Variants in NEGR1 observed in about 807,000 individuals in gnomAD.
NEGR1 encodes neuronal growth regulator 1.
NEGR1 carries 10 observed loss-of-function variants against 40.9 expected under a neutral mutation model. The observed-to-expected ratio is 0.24, with a 90% CI of 0.15 to 0.42. The LOEUF (loss-of-function observed/expected upper bound fraction) is 0.42, where lower values mean the gene tolerates loss of function less well. Ranked by LOEUF, NEGR1 falls within the 10% of genes least tolerant of loss-of-function variation. NEGR1 has a pLI of 1.00. For missense variants in NEGR1, 352 were observed against 438.9 expected (o/e 0.80, Z 1.77); for synonymous variants, 185 against 166.8 (o/e 1.11, Z -0.84).
At chr1:71,853,505 C>G (rs999499473) in intron 2 of NEGR1, among the ~76,000 whole-genome samples, 3 of 151,876 alleles carry the variant, frequency 2.0e-5, no homozygotes, top group African/African-American at 7.3e-5. Context: ...AGAATTCTTC[C>G]AAACCGTGCC....
At position 72,040,577 on chromosome 1, in the gene NEGR1, C is replaced by CAAAAAAAAAAAAA. The variant is rs5775102; in HGVS notation, c.177-105279_177-105267dup. 3.7e-4 allele frequency among the ~76,000 whole-genome samples: 11 copies of CAAAAAAAAAAAAA among 29,704 alleles called. 1 individual carries two copies. The highest frequency in any genetic ancestry group is 6.3e-4 in the Admixed American group (1 of 1,590). The allele number at this position is 29,704 out of a possible 152,430, so 19.5% of individuals were successfully genotyped here. A position where few individuals can be genotyped will look rare whatever the true frequency, so the allele number is the denominator to read the frequency against. ...TGGCAAGCACAGTAAGAGCACTGACCAAAAAAAAAAAAAAAAAAAAAAAAA... is the reference window on the plus strand; with the variant it reads ...TGGCAAGCACAGTAAGAGCACTGACCAAAAAAAAAAAAAAAAAAAAAAAAAAAAAAAAAAAAAA... On this transcript the variant is annotated intron_variant, in intron 1 of 6. Transcript: ENST00000357731.
At chr1:72,123,015 T>C (rs1390680077) in intron 1 of NEGR1, among the ~76,000 whole-genome samples, 1 of 151,980 alleles carries the variant, frequency 6.6e-6, no homozygotes, top group Non-Finnish European at 1.5e-5. Flanking sequence ...CCTTTTAAAA[T>C]ATTTGTTCAT....
chr1:72,149,235 G>A (rs375651107), intron 1 of NEGR1, among the ~76,000 whole-genome samples: 29 of 152,078 alleles, frequency 1.9e-4, no homozygotes, highest in African/African-American at 3.6e-4. Flanking sequence ...ATCAGATATC[G>A]TGAGACTTAT....
At chr1:71,962,125 A>G (rs1229865812) in intron 1 of NEGR1, among the ~76,000 whole-genome samples, 1 of 152,132 alleles carries the variant, frequency 6.6e-6, no homozygotes, top group Non-Finnish European at 1.5e-5. Flanking sequence ...GATGAATGCC[A>G]AAATGTCAGA....
Position 71,929,694 on chromosome 1 carries a change from T to C in NEGR1, c.409+5385A>G, listed in dbSNP as rs1302980464. On this transcript the variant is annotated intron_variant, in intron 2 of 6. Transcript: ENST00000357731. The stretch of plus-strand genomic sequence containing the variant: ...CAGCACAATGGCTTGAATTGTCCAA[T>C]GTATGTAGTATTTTTTCATGCTTTT... Among the ~76,000 whole-genome samples, 4 of 152,196 alleles carry C rather than the reference T, an allele frequency of 2.6e-5. No homozygotes were observed. The East Asian group carries it at 7.7e-4, about 29-fold the overall frequency.
At chr1:71,805,348 A>T (rs1308972082) in intron 2 of NEGR1, among the ~76,000 whole-genome samples, 6 of 152,028 alleles carry the variant, frequency 3.9e-5, no homozygotes, top group African/African-American at 1.5e-4. Context: ...TTTTGAAATC[A>T]CTAATAAAAA....
intron 1 of NEGR1, among the ~76,000 whole-genome samples, chr1:72,190,905 A>G (rs2100428463): frequency 6.6e-6 from 1 of 151,826 alleles, no homozygotes; most frequent in Non-Finnish European, 1.5e-5. Flanking sequence ...ACTTCAACCC[A>G]TTAACTAGTC....
intron 2 of NEGR1, among the ~76,000 whole-genome samples, chr1:71,897,402 G>A (rs1272538973): frequency 6.6e-6 from 1 of 152,118 alleles, no homozygotes; most frequent in Non-Finnish European, 1.5e-5. Context: ...CCTATCCCTT[G>A]AAAAGCCCCT....
At chr1:71,429,077 A>G (rs1646448050) in intron 6 of NEGR1, among the ~76,000 whole-genome samples, 1 of 152,152 alleles carries the variant, frequency 6.6e-6, no homozygotes, top group East Asian at 1.9e-4. Flanking sequence ...ATAATTTTTT[A>G]GTTCTTTGAT....
intron 1 of NEGR1, among the ~76,000 whole-genome samples, chr1:72,277,045 A>G (rs1451867990): frequency 6.6e-6 from 1 of 152,130 alleles, no homozygotes; most frequent in Non-Finnish European, 1.5e-5. Flanking sequence ...CCAGTGGGAG[A>G]TGAATACAGT....
intron 3 of NEGR1, among the ~76,000 whole-genome samples, chr1:71,738,727 T>G (rs2101673371): frequency 6.6e-6 from 1 of 152,220 alleles, no homozygotes. Flanking sequence ...CTCTGCTGGC[T>G]CTAAACCTTC....
intron 1 of NEGR1, among the ~76,000 whole-genome samples, chr1:72,055,988 G>C (rs1647106821): frequency 6.7e-6 from 1 of 150,330 alleles, no homozygotes; most frequent in Non-Finnish European, 1.5e-5. Flanking sequence ...TAAAATTCTG[G>C]TATTAATTCT....
chr1:72,248,234 C>T (rs192512570), intron 1 of NEGR1, among the ~76,000 whole-genome samples: 2 of 152,224 alleles, frequency 1.3e-5, no homozygotes, highest in East Asian at 1.9e-4. Flanking sequence ...GATACTCAGT[C>T]TTTGACTTTC....
At chr1:72,259,581 GTAAT>G (rs1655388896) in intron 1 of NEGR1, among the ~76,000 whole-genome samples, 1 of 151,986 alleles carries the variant, frequency 6.6e-6, no homozygotes, top group Non-Finnish European at 1.5e-5. Flanking sequence ...TTTTCCATCT[GTAAT>G]TAGAGAAAAA....
chr1:71,832,250 G>A (rs542688894), intron 2 of NEGR1, among the ~76,000 whole-genome samples: 38 of 152,088 alleles, frequency 2.5e-4, no homozygotes, highest in African/African-American at 9.1e-4. Context: ...TGATACCGGT[G>A]ACAGAATCAA....
At chr1:72,093,630 T>C (rs1648581629) in intron 1 of NEGR1, among the ~76,000 whole-genome samples, 1 of 152,192 alleles carries the variant, frequency 6.6e-6, no homozygotes, top group African/African-American at 2.4e-5. Context: ...TCTAATATTG[T>C]ATTATATTGG....
At position 72,017,674 on chromosome 1, in the gene NEGR1, AT is replaced by A. The variant is rs926267390; in HGVS notation, c.177-82364del. Among the ~76,000 whole-genome samples, 424 of 146,988 alleles carry A rather than the reference AT, an allele frequency of 2.9e-3. 1 individual carries two copies. Among genetic ancestry groups the A allele is most frequent in the East Asian group, 0.016 (82 of 5,060 alleles). ...CTTGTAAATCTGTTACAATCCAATT[AT>A]TTTTTTTTTTCAGAAAACTGGTTTT... On this transcript the variant is annotated intron_variant, in intron 1 of 6. Coordinates refer to ENST00000357731, the MANE Select transcript of NEGR1 (RefSeq NM_173808.3).
At chr1:72,045,755 T>C (rs1646995300) in intron 1 of NEGR1, among the ~76,000 whole-genome samples, 1 of 151,796 alleles carries the variant, frequency 6.6e-6, no homozygotes, top group Non-Finnish European at 1.5e-5. Context: ...TGTTTCTTTA[T>C]TGGTAACAAT....
intron 3 of NEGR1, among the ~76,000 whole-genome samples, chr1:71,774,687 A>AC (rs537662683): frequency 5.0e-4 from 4 of 8,016 alleles, no homozygotes; most frequent in East Asian, 0.25. Context: ...GTATTTTCAC[A>AC]AAAAAAAAAT....
Sources: allele counts gnomAD v4.1 joint callset (sites outside exome capture counted in the v4.1 genomes callset), GRCh38; gene constraint gnomAD v4.1.1; transcripts MANE v1.5; gene names NCBI Gene and HGNC (gene_info 2026-07-23, HGNC 2026-07-21).